Variants in ACIN1 observed in about 807,000 individuals in gnomAD.
ACIN1 encodes the protein apoptotic chromatin condensation inducer in the nucleus.
In ACIN1, 16 loss-of-function variants were observed where a neutral mutation model predicts 146.6. The ratio of observed to expected loss-of-function variants is 0.11; its 90% CI spans 0.07 to 0.17. The LOEUF (loss-of-function observed/expected upper bound fraction) is 0.17, where lower values mean the gene tolerates loss of function less well. Among genes scored for constraint, ACIN1 ranks in the 10% least tolerant of loss-of-function variants. The pLI is 1.00. For missense variants in ACIN1, 1,357 were observed against 1,609.3 expected, an observed-to-expected ratio of 0.84 and a Z score of 2.68; for synonymous variants, 569 against 582.7, an observed-to-expected ratio of 0.98 and a Z score of 0.34.
chr14:23,070,984 C>T (rs1351348884), intron 8 of ACIN1: 2 of 924,464 alleles, frequency 2.2e-6, no homozygotes, highest in Non-Finnish European at 3.3e-6. Context: ...AGAAACTGGG[C>T]AGGCAGGACA....
At chr14:23,065,772 T>C (rs2047433640) in intron 10 of ACIN1, among the ~76,000 whole-genome samples, 194 bp downstream of exon 10, 1 of 152,128 alleles carries the variant, frequency 6.6e-6, no homozygotes, top group Admixed American at 6.5e-5. Flanking sequence ...TGGAGCAATA[T>C]GATGGGGATT....
Position 23,059,268 on chromosome 14 carries a change from T to TCGGTCCCCCCTGTCCCGCTCC in ACIN1, c.3711_3731dup (p.Glu1238_Arg1244dup), listed in dbSNP as rs761341276. The TCGGTCCCCCCTGTCCCGCTCC allele has an allele frequency of 2.5e-6, 4 of 1,609,956 alleles. No homozygotes were observed. In the African/African-American group the frequency reaches 5.3e-5, roughly 22 times the overall value. Reference sequence around the variant, plus strand: ...CTCGGTCCCTTTCCCTATCCCGATCTCGGTCCCCCCTGTCCCGCTCCCTTT... The same window carrying TCGGTCCCCCCTGTCCCGCTCC: ...CTCGGTCCCTTTCCCTATCCCGATCTCGGTCCCCCCTGTCCCGCTCCCGGTCCCCCCTGTCCCGCTCCCTTT... On this transcript the variant is annotated inframe_insertion, in exon 19 of 19. Coordinates refer to ENST00000605057, the MANE Select transcript of ACIN1 (RefSeq NM_001386863.1).
At chr14:23,091,529 C>T (rs527821141) in intron 2 of ACIN1, among the ~76,000 whole-genome samples, 3 of 148,468 alleles carry the variant, frequency 2.0e-5, no homozygotes, top group African/African-American at 7.5e-5. Context: ...CGTGCCACTG[C>T]ACTCCAGCCT....
In ACIN1 at chr14:23,080,819, C is replaced by A; in HGVS notation, c.526-10G>T. 1 of 1,584,904 alleles carries A rather than the reference C, an allele frequency of 6.3e-7. No individual in the cohort carries two copies. Among genetic ancestry groups the A allele is most frequent in the Non-Finnish European group, 8.6e-7 (1 of 1,165,058 alleles). On this transcript the variant is annotated splice_polypyrimidine_tract_variant and intron_variant, in intron 5 of 18. Coordinates refer to ENST00000605057, the MANE Select transcript of ACIN1 (RefSeq NM_001386863.1). ...GTTTAGCTGCTCTTGCCTGAAAGAA[C>A]AGATACACAATGGCTCCAAATGTAT... is the stretch of plus-strand genomic sequence containing the variant.
chr14:23,068,697 A>T lies in ACIN1; in HGVS notation c.2265+779T>A. On this transcript the variant is annotated intron_variant, in intron 9 of 18. Coordinates refer to ENST00000605057, the MANE Select transcript of ACIN1 (RefSeq NM_001386863.1). The surrounding 1 kb of genome is among the most constrained non-coding windows in gnomAD (Gnocchi z 4.3). ...CTTGGACAAAGTTTTACGGGGAAGA[A>T]GGACCTTGTAATAAATAATATTCTG... 1 of 985,780 alleles carries T rather than the reference A, an allele frequency of 1.0e-6. No homozygotes were observed. Among genetic ancestry groups the T allele is most frequent in the Non-Finnish European group, 1.2e-6 (1 of 829,970 alleles). 61.1% of individuals were successfully genotyped at this position (985,780 alleles called of 1,614,324 possible).
At chr14:23,060,598 C>T (rs563500348) in intron 18 of ACIN1, among the ~76,000 whole-genome samples, 46 of 151,996 alleles carry the variant, frequency 3.0e-4, no homozygotes, top group East Asian at 7.8e-4. Context: ...CTGCAACCTC[C>T]GCCTCCCGGG....
rs754868868 is a variant in ACIN1, at chr14:23,094,643, T to C, written c.138+332A>G. The C allele has an allele frequency of 3.4e-5, 28 of 820,726 alleles. No individual in the cohort carries two copies. The Admixed American group carries it at 6.8e-4, about 20-fold the overall frequency. The allele number at this position is 820,726 out of a possible 1,614,324, so 50.8% of individuals were successfully genotyped here. ...CTCAGGCCAGCAACGCCGTAGGTTGTAGTGGGATTTAACTCCTTCTGCAGC... is the reference window on the plus strand; with the variant it reads ...CTCAGGCCAGCAACGCCGTAGGTTGCAGTGGGATTTAACTCCTTCTGCAGC... On this transcript the variant is annotated intron_variant, in intron 1 of 18. Transcript: ENST00000605057.
At chr14:23,070,272 G>A (rs2047594289) in intron 8 of ACIN1, among the ~76,000 whole-genome samples, 1 of 152,112 alleles carries the variant, frequency 6.6e-6, no homozygotes. Flanking sequence ...AAGCTTCAAG[G>A]ACCCTCTCTC....
At position 23,063,349 on chromosome 14, in the gene ACIN1, A is replaced by G. The variant is rs2047348287; in HGVS notation, c.2737+87T>C. ...ACGAAAAAATATAATGAAAGGCAGG[A>G]AACATTCAAAGCTTTCAGCGATCCA... is the stretch of plus-strand genomic sequence containing the variant. On this transcript the variant is annotated intron_variant, in intron 13 of 18. Coordinates refer to ENST00000605057, the MANE Select transcript of ACIN1 (RefSeq NM_001386863.1). 13 of 1,496,236 alleles carry G rather than the reference A, an allele frequency of 8.7e-6. No individual in the cohort carries two copies. The South Asian group carries it at 1.6e-4, about 18-fold the overall frequency. The allele number at this position is 1,496,236 out of a possible 1,614,324, so 92.7% of individuals were successfully genotyped here.
chr14:23,069,573 G>T lies in ACIN1; in HGVS notation c.2168C>A (p.Pro723His). Residue 723 changes from proline (P) to histidine (H), a missense_variant, in exon 9 of 19, where the codon CCT (proline) becomes CAT (histidine). Physicochemically the swap from Pro to His is moderately conservative, Grantham distance 77 (BLOSUM62 -2). Around this residue, in one of 4 missense-constraint regions of ACIN1, gnomAD observed 771 missense variants for 746.6 expected, o/e 1.03. Coordinates refer to ENST00000605057, the MANE Select transcript of ACIN1 (RefSeq NM_001386863.1). ...EVTMDTSENR[P>H]ENDVPEPPMP... ...GGGAGGTTCTGGAACATCATTTTCA[G>T]GTCTGTTTTCACTTGTGTCCATGGT... The T allele has an allele frequency of 6.2e-7, 1 of 1,613,350 alleles. No homozygotes were observed.
chr14:23,094,736 C>T, intron 1 of ACIN1: 6 of 720,646 alleles, frequency 8.3e-6, no homozygotes, highest in East Asian at 2.8e-5. Context: ...TTAAGACACT[C>T]CTGGAGAGTA....
intron 18 of ACIN1, among the ~76,000 whole-genome samples, 164 bp downstream of exon 18, chr14:23,060,920 A>G (rs115271260): frequency 5.3e-5 from 8 of 152,168 alleles, no homozygotes; most frequent in Admixed American, 2.6e-4. Context: ...TGGTTTCTCT[A>G]TGTTATACCA....
rs2047952737 is a variant in ACIN1, at chr14:23,081,899, A to T, written c.437-63T>A. On this transcript the variant is annotated intron_variant, in intron 4 of 18. Transcript: ENST00000605057. ...TGAAGACTCATTCATGGCTTTTTAA[A>T]AATCAGGCTTTCTAATATCCAACCA... is the stretch of plus-strand genomic sequence containing the variant. The T allele has an allele frequency of 5.1e-6, 7 of 1,366,658 alleles. No individual in the cohort carries two copies. The South Asian group carries it at 8.7e-5, about 17-fold the overall frequency. The allele number at this position is 1,366,658 out of a possible 1,614,324, so 84.7% of individuals were successfully genotyped here.
chr14:23,061,971 C>CAAAAAAAAAAAAAAAAAAAAAAAAAAAA (rs57962360), intron 16 of ACIN1, among the ~76,000 whole-genome samples, 197 bp downstream of exon 16: 6 of 59,132 alleles, frequency 1.0e-4, no homozygotes, highest in African/African-American at 4.4e-4. Context: ...GACTCTGTCT[C>CAAAAAAAAAAAAAAAAAAAAAAAAAAAA]AAAAAAAAAA....
rs148385157 is a variant in ACIN1 at position 23,071,085 on chromosome 14, C to T, written c.2124-1468G>A. The T allele has an allele frequency of 2.4e-4, 365 of 1,533,644 alleles. No individual in the cohort carries two copies. The African/African-American group carries it at 3.1e-3, about 13-fold the overall frequency. ...AGAAGGAAGACGAAGGGAGCTAGGG[C>T]GGCGGGGAAAAGGCATACATGGAAA... On this transcript the variant is annotated intron_variant, in intron 8 of 18. Transcript: ENST00000605057.
chr14:23,063,377 T>C (rs2047348961), intron 13 of ACIN1, 59 bp downstream of exon 13: 3 of 1,576,848 alleles, frequency 1.9e-6, no homozygotes, highest in Non-Finnish European at 2.6e-6. Context: ...GCGATCCAAA[T>C]GAGGTGCTCT....
At chr14:23,071,426 C>G in intron 8 of ACIN1, 1 of 1,551,642 alleles carries the variant, frequency 6.4e-7, no homozygotes, top group Non-Finnish European at 8.7e-7. Context: ...TAAGTCCTCA[C>G]GGCAAACCCC....
At chr14:23,063,918 A>G (rs1413266525) in intron 12 of ACIN1, among the ~76,000 whole-genome samples, 187 bp downstream of exon 12, 1 of 152,226 alleles carries the variant, frequency 6.6e-6, no homozygotes, top group Non-Finnish European at 1.5e-5. Context: ...GTTGTGTTCC[A>G]ATCAAACTTT....
upstream of ACIN1, chr14:23,095,509 G>A (rs74817234): frequency 1.2e-3 from 689 of 587,326 alleles, 4 homozygotes; most frequent in African/African-American, 0.012. Context: ...AAGTGCGTGG[G>A]CTGCCGGGCT....
Sources: gnomAD v4.1 joint callset for allele counts (sites outside exome capture counted in the v4.1 genomes callset) on GRCh38, gnomAD v4.1.1 for gene constraint, gnomAD v4.1.1 regional missense constraint, Gnocchi (gnomAD v3.1) non-coding constraint, MANE v1.5 for transcripts, NCBI Gene and HGNC (gene_info 2026-07-23, HGNC 2026-07-21) for gene names.